VOPP1: variants seen among roughly 807,000 people sequenced by gnomAD.
VOPP1 encodes the protein WW domain binding protein VOPP1.
In VOPP1, 8 loss-of-function variants were observed where a neutral mutation model predicts 23.5. That is an observed-to-expected ratio of 0.34 (90% CI 0.20 to 0.61). The LOEUF is 0.61. Among genes scored for constraint, VOPP1 ranks in the 20% least tolerant of loss-of-function variants. The pLI, the probability that VOPP1 is intolerant of heterozygous loss-of-function variation, is 0.78. For synonymous variants in VOPP1, 83 were observed against 97.3 expected, an observed-to-expected ratio of 0.85 and a Z score of 0.86; for missense variants, 174 against 238.1, an observed-to-expected ratio of 0.73 and a Z score of 1.77.
intron 4 of VOPP1, among the ~76,000 whole-genome samples, chr7:55,459,477 G>C (rs945148318): frequency 7.9e-5 from 12 of 152,036 alleles, no homozygotes; most frequent in African/African-American, 2.2e-4. Context: ...GGTTTGGTAG[G>C]GTTCAGCAAT....
downstream of VOPP1, among the ~76,000 whole-genome samples, chr7:55,468,341 A>G (rs1791688074): frequency 6.6e-6 from 1 of 151,488 alleles, no homozygotes; most frequent in Admixed American, 6.6e-5. Context: ...GGAGAGGAGA[A>G]CATGATGGGG....
intron 4 of VOPP1, among the ~76,000 whole-genome samples, chr7:55,436,631 CGT>C (rs375341872): frequency 4.4e-5 from 6 of 134,904 alleles, no homozygotes; most frequent in African/African-American, 1.1e-4. Context: ...TGTGTGTGTG[CGT>C]GTGTGTGCGT....
At chr7:55,516,926 ATATATATTTTTTTTT>A (rs1795473983) in intron 2 of VOPP1, among the ~76,000 whole-genome samples, 4 of 45,748 alleles carry the variant, frequency 8.7e-5, no homozygotes, top group South Asian at 8.2e-4. Flanking sequence ...ATATATATAT[ATATATATTTTTTTTT>A]TTTTTTTTTT....
chr7:55,438,702 A>G (rs111860214), intron 4 of VOPP1, among the ~76,000 whole-genome samples: 3 of 152,324 alleles, frequency 2.0e-5, no homozygotes, highest in African/African-American at 7.2e-5. Context: ...GGCTCTGACC[A>G]TGGGTGAAAC....
intron 1 of VOPP1, among the ~76,000 whole-genome samples, chr7:55,570,881 G>A (rs1400334349): frequency 6.6e-6 from 1 of 152,094 alleles, no homozygotes; most frequent in Admixed American, 6.5e-5. Flanking sequence ...GGCGGAGATT[G>A]CAGTGAGCCA....
intron 3 of VOPP1, among the ~76,000 whole-genome samples, chr7:55,495,897 G>C (rs187237991): frequency 3.9e-5 from 6 of 152,318 alleles, no homozygotes; most frequent in African/African-American, 1.4e-4. Flanking sequence ...CTGGCACTCA[G>C]ATCTTCCAAC....
intron 4 of VOPP1, among the ~76,000 whole-genome samples, chr7:55,451,855 A>G (rs1020620278): frequency 9.2e-5 from 14 of 152,152 alleles, no homozygotes; most frequent in Middle Eastern, 3.2e-3. Context: ...AGTGGGTCAT[A>G]ATCTTTTTGC....
At chr7:55,467,792 A>T (rs1791669558), downstream of VOPP1, among the ~76,000 whole-genome samples, 1 of 152,226 alleles carries the variant, frequency 6.6e-6, no homozygotes, top group African/African-American at 2.4e-5. Flanking sequence ...CTTCTGGCTT[A>T]CTTTCCGTTC....
chr7:55,569,055 C>A (rs1258160062), intron 1 of VOPP1, among the ~76,000 whole-genome samples: 2 of 152,232 alleles, frequency 1.3e-5, no homozygotes, highest in Non-Finnish European at 2.9e-5. Flanking sequence ...CCAGCTGGCA[C>A]AGAGCAACAG....
At chr7:55,527,084 G>C (rs1368352784) in intron 1 of VOPP1, 2 of 152,236 alleles carry the variant, frequency 1.3e-5, no homozygotes, top group East Asian at 1.9e-4. Context: ...CAGAGGGCAG[G>C]GGGTAGCCTG....
chr7:55,495,680 T>C (rs1406921546), intron 3 of VOPP1, among the ~76,000 whole-genome samples: 1 of 152,164 alleles, frequency 6.6e-6, no homozygotes, highest in African/African-American at 2.4e-5. Flanking sequence ...GCCTAAAGCC[T>C]CTCCATAAAA....
At chr7:55,447,621 A>G (rs1190795875) in intron 4 of VOPP1, among the ~76,000 whole-genome samples, 2 of 152,236 alleles carry the variant, frequency 1.3e-5, no homozygotes, top group Non-Finnish European at 2.9e-5. Flanking sequence ...GTTTAATGCC[A>G]TATTTCATAT....
At chr7:55,453,088 T>C (rs1791284128) in intron 4 of VOPP1, among the ~76,000 whole-genome samples, 1 of 152,238 alleles carries the variant, frequency 6.6e-6, no homozygotes, top group African/African-American at 2.4e-5. Context: ...TCAGTGGTCT[T>C]AGCTAGATCT....
At chr7:55,544,951 T>C (rs1797302546) in intron 1 of VOPP1, among the ~76,000 whole-genome samples, 1 of 152,232 alleles carries the variant, frequency 6.6e-6, no homozygotes, top group African/African-American at 2.4e-5. Flanking sequence ...TAATCGGTAC[T>C]GATATAAACA....
chr7:55,475,614 AG>A (rs1349829169), intron 4 of VOPP1, among the ~76,000 whole-genome samples: 1 of 152,132 alleles, frequency 6.6e-6, no homozygotes, highest in Non-Finnish European at 1.5e-5. Flanking sequence ...GCCAGGAGCA[AG>A]GGGACTCCAC....
chr7:55,508,924 G>A (rs780679211), intron 2 of VOPP1, among the ~76,000 whole-genome samples: 1 of 152,148 alleles, frequency 6.6e-6, no homozygotes, highest in Non-Finnish European at 1.5e-5. Context: ...TATGCCTATA[G>A]TCCTAGCGAC....
intron 1 of VOPP1, among the ~76,000 whole-genome samples, chr7:55,564,247 C>CTCTCTCTG (rs1328763629): frequency 1.3e-5 from 2 of 148,262 alleles, no homozygotes; most frequent in African/African-American, 5.2e-5. Flanking sequence ...GTCTCTGTCT[C>CTCTCTCTG]TCTCTCTCTC....
At chr7:55,496,539 G>A (rs140557453) in intron 3 of VOPP1, among the ~76,000 whole-genome samples, 1,677 of 152,266 alleles carry the variant, frequency 0.011, 12 homozygotes, top group Middle Eastern at 0.02. Context: ...GGGGCTTACC[G>A]GGCTGGTCCT....
At chr7:55,436,277 T>G (rs1466275353) in intron 4 of VOPP1, 2 of 152,266 alleles carry the variant, frequency 1.3e-5, no homozygotes, top group Non-Finnish European at 2.9e-5. Flanking sequence ...TGTTCACCTC[T>G]GAGCTCACCT....
Sources: allele counts gnomAD v4.1 joint callset (sites outside exome capture counted in the v4.1 genomes callset), GRCh38; gene constraint gnomAD v4.1.1; transcripts MANE v1.5; gene names NCBI Gene and HGNC (gene_info 2026-07-23, HGNC 2026-07-21).